The following ALMS1 variants were observed in gnomAD, a reference collection of about 807,000 sequenced individuals.
ALMS1 encodes the protein ALMS1 centrosome and basal body associated protein.
A neutral mutation model predicts 352.2 loss-of-function variants in ALMS1; 271 were observed. The ratio of observed to expected loss-of-function variants is 0.77; its 90% CI spans 0.70 to 0.85. The LOEUF (loss-of-function observed/expected upper bound fraction) is 0.85, where lower values mean the gene tolerates loss of function less well. ALMS1 is among the 40% of genes least tolerant of loss of function. The pLI, the probability that ALMS1 is intolerant of heterozygous loss-of-function variation, is 0.00. For synonymous variants in ALMS1, 1,865 were observed against 1,761.2 expected, an observed-to-expected ratio of 1.06 and a Z score of -1.48; for missense variants, 5,445 against 4,870.7, an observed-to-expected ratio of 1.12 and a Z score of -3.51.
At chr2:73,572,233 C>G in intron 15 of ALMS1, 29 bp from the exon 16 acceptor site, 2 of 1,579,652 alleles carry the variant, frequency 1.3e-6, no homozygotes, top group Non-Finnish European at 1.7e-6. Context: ...TTTTTAAGTT[C>G]TTTCAAAATC....
intron 12 of ALMS1, among the ~76,000 whole-genome samples, chr2:73,547,975 G>A (rs1003173550): frequency 3.3e-5 from 5 of 152,070 alleles, no homozygotes; most frequent in Non-Finnish European, 5.9e-5. Context: ...TGAGGGAGAA[G>A]AGCGTGAAAA....
In ALMS1 at chr2:73,562,812, G is replaced by A. The variant is rs188432711; in HGVS notation, c.10384+3670G>A. Among the ~76,000 whole-genome samples, 197 of 152,012 alleles carry A rather than the reference G, an allele frequency of 1.3e-3. 1 individual carries two copies. Among genetic ancestry groups the A allele is most frequent in the African/African-American group, 4.4e-3 (182 of 41,450 alleles). ...TGAGGCAGGAGAAGCGCTTGATTCCGGGAGACAGAGGTTGCAGTGAGCTGA... is the reference window on the plus strand; with the variant it reads ...TGAGGCAGGAGAAGCGCTTGATTCCAGGAGACAGAGGTTGCAGTGAGCTGA... On this transcript the variant is annotated intron_variant, in intron 15 of 22. Coordinates refer to ENST00000613296, the MANE Select transcript of ALMS1 (RefSeq NM_001378454.1).
rs374139959 is a variant in ALMS1 at position 73,449,376 on chromosome 2, T to C, written c.2849T>C (p.Val950Ala). ...LAAQKTGTPTVSSNSHSHSEK... is the reference protein window; with the variant it reads ...LAAQKTGTPTASSNSHSHSEK... The stretch of plus-strand genomic sequence containing the variant: ...GCCCAGAAGACTGGGACACCAACAG[T>C]GTCCTCTAATTCTCACTCACATAGC... Residue 950 changes from valine (V) to alanine (A), a missense_variant, in exon 8 of 23, where the codon GTG becomes GCG. By Grantham distance (64) the Val-to-Ala change is moderately conservative (BLOSUM62 0). Transcript: ENST00000613296. The C allele has an allele frequency of 1.2e-6, 2 of 1,614,070 alleles. No individual in the cohort carries two copies. Among genetic ancestry groups the C allele is most frequent in the Non-Finnish European group, 1.7e-6 (2 of 1,179,986 alleles).
rs373985919 is a variant in ALMS1, at chr2:73,453,726, G to A, written c.7199G>A (p.Gly2400Glu). 99 of 1,613,902 alleles carry A rather than the reference G, an allele frequency of 6.1e-5. No individual in the cohort carries two copies. Among genetic ancestry groups the A allele is most frequent in the Admixed American group, 3.3e-4 (20 of 59,978 alleles). Residue 2400 changes from glycine (G) to glutamate (E), a missense_variant, in exon 8 of 23, where the codon GGG (glycine) becomes GAG (glutamate). Physicochemically the swap from Gly to Glu is moderately conservative, Grantham distance 98 (BLOSUM62 -2). Coordinates refer to ENST00000613296, the MANE Select transcript of ALMS1 (RefSeq NM_001378454.1). ...CCTGAAGGGTGTAGTGGAACCATTG[G>A]GAATAAAATTATTATCCCTATGATG... The part of the protein sequence containing the change: ...SEPEGCSGTI[G>E]NKIIIPMMTV...
intron 4 of ALMS1, among the ~76,000 whole-genome samples, 182 bp downstream of exon 4, chr2:73,423,156 G>A (rs1237207025): frequency 6.6e-6 from 1 of 152,182 alleles, no homozygotes; most frequent in Non-Finnish European, 1.5e-5. Context: ...AGTAACGTAT[G>A]TGTAGAGATG....
chr2:73,554,725 G>T (rs116197387), intron 13 of ALMS1, among the ~76,000 whole-genome samples: 2,465 of 152,194 alleles, frequency 0.016, 66 homozygotes, highest in African/African-American at 0.056. Flanking sequence ...CAGCATGGGG[G>T]AGATGGAAGG....
intron 1 of ALMS1, among the ~76,000 whole-genome samples, chr2:73,390,841 G>A (rs1358075382): frequency 1.3e-5 from 2 of 151,780 alleles, no homozygotes; most frequent in African/African-American, 4.9e-5. Flanking sequence ...CCCGATCTTG[G>A]CTAACTGCAA....
chr2:73,543,702 C>T (rs200941782), intron 12 of ALMS1, among the ~76,000 whole-genome samples: 11 of 152,128 alleles, frequency 7.2e-5, no homozygotes, highest in East Asian at 1.9e-4. Context: ...AACAAGTGGG[C>T]GAAGGATATG....
chr2:73,600,519 CCT>C (rs1451356907), intron 17 of ALMS1, among the ~76,000 whole-genome samples, 157 bp from the exon 18 acceptor site: 21 of 152,158 alleles, frequency 1.4e-4, no homozygotes, highest in Admixed American at 1.4e-3. Flanking sequence ...CCTACTCTCC[CCT>C]GTCCTTCTTT....
chr2:73,594,824 C>G (rs572019808), intron 16 of ALMS1, among the ~76,000 whole-genome samples: 7 of 152,314 alleles, frequency 4.6e-5, no homozygotes, highest in African/African-American at 1.7e-4. Context: ...ATGAACCGTT[C>G]CACATGGGCT....
intron 11 of ALMS1, among the ~76,000 whole-genome samples, chr2:73,533,986 T>A (rs1364158761): frequency 1.3e-5 from 2 of 152,200 alleles, no homozygotes; most frequent in African/African-American, 4.8e-5. Flanking sequence ...TTCACAGAAT[T>A]CTTTATAATT....
At chr2:73,480,930 T>A (rs1393093358) in intron 9 of ALMS1, among the ~76,000 whole-genome samples, 1 of 149,090 alleles carries the variant, frequency 6.7e-6, no homozygotes, top group Non-Finnish European at 1.5e-5. Flanking sequence ...GTTGTTTGTT[T>A]TTTTCTTGTA....
In ALMS1 at chr2:73,449,232, C is replaced by T; in HGVS notation, c.2705C>T (p.Ser902Leu). The T allele has an allele frequency of 1.2e-6, 2 of 1,614,138 alleles. No individual in the cohort carries two copies. Among genetic ancestry groups the T allele is most frequent in the Non-Finnish European group, 1.7e-6 (2 of 1,180,006 alleles). ...GPGDQKTGIPSAPSSFYSHRE... is the reference protein window; with the variant it reads ...GPGDQKTGIPLAPSSFYSHRE... ...GGTGATCAGAAGACTGGGATACCCT[C>T]AGCACCATCTAGTTTCTACTCACAC... is the stretch of plus-strand genomic sequence containing the variant. Residue 902 changes from serine (S) to leucine (L), a missense_variant, in exon 8 of 23, where the codon TCA (serine) becomes TTA (leucine). By Grantham distance (145) the Ser-to-Leu change is moderately radical. Coordinates refer to ENST00000613296, the MANE Select transcript of ALMS1 (RefSeq NM_001378454.1).
At chr2:73,468,562 C>T (rs1194920557) in intron 9 of ALMS1, among the ~76,000 whole-genome samples, 1 of 151,934 alleles carries the variant, frequency 6.6e-6, no homozygotes, top group African/African-American at 2.4e-5. Context: ...TCCCATCTGC[C>T]CCAGGCAGCC....
intron 15 of ALMS1, among the ~76,000 whole-genome samples, chr2:73,565,851 G>T (rs745771081): frequency 6.6e-6 from 1 of 152,148 alleles, no homozygotes; most frequent in Non-Finnish European, 1.5e-5. Flanking sequence ...AACTGTCAGA[G>T]TCATGAAAAA....
At chr2:73,577,811 T>A (rs1333563112) in intron 16 of ALMS1, among the ~76,000 whole-genome samples, 2 of 152,208 alleles carry the variant, frequency 1.3e-5, no homozygotes, top group Non-Finnish European at 1.5e-5. Flanking sequence ...TTGCATATGA[T>A]CTGTCCTTGA....
chr2:73,395,315 G>A (rs1670739304), intron 1 of ALMS1, among the ~76,000 whole-genome samples: 1 of 151,530 alleles, frequency 6.6e-6, no homozygotes, highest in South Asian at 2.1e-4. Context: ...CCTGACTCAA[G>A]TGATCTGCCC....
chr2:73,517,887 A>T (rs1673593258), intron 10 of ALMS1, among the ~76,000 whole-genome samples: 1 of 151,808 alleles, frequency 6.6e-6, no homozygotes, highest in South Asian at 2.1e-4. Flanking sequence ...CGAACTTTTG[A>T]CCTCAGGTGA....
chr2:73,466,405 G>T (rs1216098360), intron 9 of ALMS1, among the ~76,000 whole-genome samples: 1 of 146,098 alleles, frequency 6.8e-6, no homozygotes, highest in South Asian at 2.2e-4. Flanking sequence ...AACACCACAT[G>T]TTCTCACTCA....
Sources: gnomAD v4.1 joint callset for allele counts (sites outside exome capture counted in the v4.1 genomes callset) on GRCh38, gnomAD v4.1.1 for gene constraint, MANE v1.5 for transcripts, NCBI Gene and HGNC (gene_info 2026-07-23, HGNC 2026-07-21) for gene names.